The following PTGR1 variants were observed in gnomAD, a reference collection of about 807,000 sequenced individuals.
PTGR1 encodes prostaglandin reductase 1.
Under a neutral mutation model 37.7 loss-of-function variants are expected in PTGR1, and 23 were observed. The ratio of observed to expected loss-of-function variants is 0.61; its 90% confidence interval spans 0.44 to 0.86. The LOEUF is 0.86. Among genes scored for constraint, PTGR1 ranks in the 40% least tolerant of loss-of-function variants. The probability of loss-of-function intolerance (pLI) is 0.00; values close to 1 mark genes in which losing one functional copy is unlikely to be tolerated. For missense variants in PTGR1, 351 were observed against 394.3 expected (o/e 0.89, Z 0.93); for synonymous variants, 134 against 140.0 (o/e 0.96, Z 0.30).
downstream of PTGR1, among the ~76,000 whole-genome samples, chr9:111,558,642 C>T (rs1195932082): frequency 6.6e-6 from 1 of 152,154 alleles, no homozygotes; most frequent in Non-Finnish European, 1.5e-5. Flanking sequence ...TAGATAAGTT[C>T]ATTGCTATTG....
intron 4 of PTGR1, among the ~76,000 whole-genome samples, chr9:111,587,220 C>A (rs1829461004): frequency 6.6e-6 from 1 of 152,048 alleles, no homozygotes; most frequent in Non-Finnish European, 1.5e-5. Context: ...TAAGCTGCAC[C>A]CTTTCTGTCT....
Position 111,592,986 on chromosome 9 carries a change from C to CAAAAAAAAAAA in PTGR1, c.153-15_153-5dup, listed in dbSNP as rs58142522. The CAAAAAAAAAAA allele has an allele frequency of 1.6e-5, 15 of 961,372 alleles. No homozygotes were observed. The highest frequency in any genetic ancestry group is 4.7e-5 in the South Asian group (2 of 42,632). The allele number at this position is 961,372 out of a possible 1,614,324, so 59.6% of individuals were successfully genotyped here. A position where few individuals can be genotyped will look rare whatever the true frequency, so the allele number is the denominator to read the frequency against. On this transcript the variant is annotated splice_polypyrimidine_tract_variant and splice_region_variant and intron_variant, in intron 3 of 9. Transcript: ENST00000407693. ...CTTCAATCTTTTGGCTGCCACTCTG[C>CAAAAAAAAAAA]AAAAAAAAAAAAAAAAAAAAAAAAA... is the stretch of plus-strand genomic sequence containing the variant.
rs1465466649 is a variant in PTGR1, at chr9:111,563,159, T to C, written c.952A>G (p.Lys318Glu). 6.2e-7 allele frequency: 1 copy of C among 1,614,056 alleles called. No homozygotes were observed. Among genetic ancestry groups the C allele is most frequent in the East Asian group, 2.2e-5 (1 of 44,848 alleles). ...ATTGTCTTCCCCAAATTATCTCCTT[T>C]CAGCATTCCCATAAATGCAGCTGGC... ...NMPAAFMGML[K>E]GDNLGKTIVK... The change falls in exon 10 of 10, where the codon AAA becomes GAA. Residue 318 changes from lysine to glutamate, a missense_variant. By Grantham distance (56) the Lys-to-Glu change is moderately conservative (BLOSUM62 1). Coordinates refer to ENST00000407693, the MANE Select transcript of PTGR1 (RefSeq NM_001146108.2).
At chr9:111,560,868 G>A (rs558444572), downstream of PTGR1, among the ~76,000 whole-genome samples, 101 of 147,506 alleles carry the variant, frequency 6.8e-4, no homozygotes, top group African/African-American at 1.0e-3. Flanking sequence ...GCTTGAAGCC[G>A]GGTGGCAGAG....
chr9:111,570,036 C>T (rs750804496), intron 9 of PTGR1, 55 bp downstream of exon 9: 8 of 1,607,706 alleles, frequency 5.0e-6, no homozygotes, highest in Non-Finnish European at 3.4e-6. Context: ...CCTTGAGAGG[C>T]AAAGGGAGTG....
In PTGR1 at chr9:111,583,508, AG is replaced by A; in HGVS notation, c.458del (p.Ala153ValfsTer21). The A allele has an allele frequency of 6.2e-7, 1 of 1,614,066 alleles. No homozygotes were observed. Among genetic ancestry groups the A allele is most frequent in the Non-Finnish European group, 8.5e-7 (1 of 1,179,894 alleles). On this transcript the variant is annotated frameshift_variant, in exon 6 of 10. Transcript: ENST00000407693. LOFTEE classifies it high-confidence loss of function. ...CAATCTGCCCCACGACTGAGCCCAC[AG>A]CTCCAGCTGCTGCATTAACCATCAC... ...ETVMVNAAAG[A>X]VGSVVGQIAK...
intron 5 of PTGR1, among the ~76,000 whole-genome samples, chr9:111,584,240 T>C (rs191574211): frequency 3.8e-4 from 58 of 152,342 alleles, no homozygotes; most frequent in African/African-American, 1.3e-3. Context: ...GGTGATATGA[T>C]TGAAGACTTT....
intron 9 of PTGR1, chr9:111,563,447 A>G (rs901928086): frequency 6.8e-6 from 3 of 440,648 alleles, no homozygotes; most frequent in South Asian, 1.1e-4. Context: ...AGAAGAAATA[A>G]TAGGTGTCGG....
At position 111,593,103 on chromosome 9, in the gene PTGR1, A is replaced by G. The variant is rs74956636; in HGVS notation, c.153-121T>C. ...TTCAAGCCAAATGAAAAACTGCTGG[A>G]TAAGTGTATGCGGCAATAAAACCCA... On this transcript the variant is annotated intron_variant, in intron 3 of 9. Coordinates refer to ENST00000407693, the MANE Select transcript of PTGR1 (RefSeq NM_001146108.2). 4,397 of 1,423,192 alleles carry G rather than the reference A, an allele frequency of 3.1e-3. 118 individuals are homozygous for G. In the African/African-American group the frequency reaches 0.055, roughly 18 times the overall value. 88.2% of individuals were successfully genotyped at this position (1,423,192 alleles called of 1,614,324 possible). A position where few individuals can be genotyped will look rare whatever the true frequency, so the allele number is the denominator to read the frequency against.
At chr9:111,556,201 C>T (rs1408915062) in intron 9 of PTGR1, among the ~76,000 whole-genome samples, 1 of 152,250 alleles carries the variant, frequency 6.6e-6, no homozygotes, top group Non-Finnish European at 1.5e-5. Context: ...ATCTTTGACT[C>T]CATGTCTCAC....
intron 2 of PTGR1, among the ~76,000 whole-genome samples, chr9:111,595,994 A>G (rs1339708414): frequency 6.6e-6 from 1 of 152,184 alleles, no homozygotes; most frequent in Non-Finnish European, 1.5e-5. Context: ...CCTCACTGCC[A>G]TCATCAGGCT....
chr9:111,560,473 CAA>C (rs752283590), downstream of PTGR1, among the ~76,000 whole-genome samples: 8 of 94,254 alleles, frequency 8.5e-5, no homozygotes, highest in Admixed American at 1.1e-4. Flanking sequence ...GACTCCATCT[CAA>C]AAAAAAAAAA....
chr9:111,562,396 C>T (rs537776272), downstream of PTGR1, among the ~76,000 whole-genome samples: 33 of 151,932 alleles, frequency 2.2e-4, no homozygotes, highest in African/African-American at 7.7e-4. Context: ...CTGTCTCAGC[C>T]TCCCAAGAGG....
intron 9 of PTGR1, among the ~76,000 whole-genome samples, chr9:111,556,036 AC>A (rs1828111836): frequency 6.6e-6 from 1 of 152,246 alleles, no homozygotes; most frequent in South Asian, 2.1e-4. Context: ...CAAGTCAAAA[AC>A]AAGTTAGTTA....
At chr9:111,560,968 TATATATAGAG>T (rs1159969670), downstream of PTGR1, among the ~76,000 whole-genome samples, 7 of 40,064 alleles carry the variant, frequency 1.7e-4, no homozygotes, top group African/African-American at 4.4e-4. Context: ...TATATATATA[TATATATAGAG>T]AGAGAGAGAG....
At chr9:111,558,898 T>A (rs1490791255), downstream of PTGR1, among the ~76,000 whole-genome samples, 1 of 152,196 alleles carries the variant, frequency 6.6e-6, no homozygotes, top group African/African-American at 2.4e-5. Flanking sequence ...TTATCTTTAA[T>A]TTACTTGTTT....
rs202024566 is a variant in PTGR1, at chr9:111,570,181, C to T, written c.789G>A (p.Gln263=). 1.2e-6 allele frequency: 2 copies of T among 1,614,030 alleles called. No individual in the cohort carries two copies. The highest frequency in any genetic ancestry group is 1.7e-6 in the Non-Finnish European group (2 of 1,179,990). Residue 263 remains glutamine, a synonymous_variant, in exon 9 of 10, where the codon CAG becomes CAA. Transcript: ENST00000407693. The stretch of plus-strand genomic sequence containing the variant: ...CGACAAAAGCTTCCATGCGAAGCTC[C>T]TGATAGATAACAATCTCTGGGGGTG... The part of the protein sequence containing the change: ...PGPPPEIVIY[Q]ELRMEAFVVY...
At chr9:111,594,742 C>G (rs142388506) in intron 2 of PTGR1, among the ~76,000 whole-genome samples, 3 of 150,978 alleles carry the variant, frequency 2.0e-5, no homozygotes, top group Non-Finnish European at 2.9e-5. Flanking sequence ...TTAGTAGAGA[C>G]GGGTTTCACC....
At chr9:111,556,052 C>A (rs1277041982) in intron 9 of PTGR1, among the ~76,000 whole-genome samples, 1 of 152,208 alleles carries the variant, frequency 6.6e-6, no homozygotes, top group African/African-American at 2.4e-5. Flanking sequence ...TAGTTACTTC[C>A]AAGATAGAAC....
Sources: gnomAD v4.1 joint callset for allele counts (sites outside exome capture counted in the v4.1 genomes callset) on GRCh38, gnomAD v4.1.1 for gene constraint, MANE v1.5 for transcripts, NCBI Gene and HGNC (gene_info 2026-07-23, HGNC 2026-07-21) for gene names.